JAK1: variants seen among roughly 807,000 people sequenced by gnomAD.
JAK1 encodes the protein tyrosine-protein kinase JAK1.
In JAK1, 16 loss-of-function variants were observed where a neutral mutation model predicts 136.6. The observed-to-expected ratio is 0.12, with a 90% CI of 0.08 to 0.18. The LOEUF (loss-of-function observed/expected upper bound fraction) is 0.18, where lower values mean the gene tolerates loss of function less well. Ranked by LOEUF, JAK1 falls within the 10% of genes least tolerant of loss-of-function variation. JAK1 has a pLI of 1.00. For synonymous variants in JAK1, 492 were observed against 519.5 expected (o/e 0.95, Z 0.72); for missense variants, 859 against 1,450.1 (o/e 0.59, Z 6.62).
intron 1 of JAK1, among the ~76,000 whole-genome samples, chr1:64,900,907 C>G (rs762520977): frequency 3.9e-5 from 6 of 152,178 alleles, no homozygotes; most frequent in African/African-American, 4.8e-5. Flanking sequence ...TCCTCCAAGC[C>G]TTTGCTGTCC....
intron 2 of JAK1, chr1:64,992,196 G>C (rs1048396438): frequency 2.6e-5 from 4 of 151,652 alleles, no homozygotes; most frequent in African/African-American, 4.8e-5. Context: ...CCTGGCCAAC[G>C]TCGTGAAAGC....
chr1:64,985,773 A>G (rs1263432120), intron 2 of JAK1: 2 of 645,260 alleles, frequency 3.1e-6, no homozygotes, highest in Non-Finnish European at 5.7e-6. Flanking sequence ...ACACAGTCCC[A>G]TAAGGCAGCC....
At chr1:64,959,279 T>A (rs1646242959) in intron 1 of JAK1, among the ~76,000 whole-genome samples, 1 of 152,172 alleles carries the variant, frequency 6.6e-6, no homozygotes, top group Admixed American at 6.5e-5. Context: ...ACATCTATGA[T>A]TAGGAGGAAG....
intron 1 of JAK1, among the ~76,000 whole-genome samples, chr1:65,051,653 C>T (rs1262757206): frequency 1.3e-5 from 2 of 152,124 alleles, no homozygotes; most frequent in African/African-American, 4.8e-5. Flanking sequence ...CAATGGGAGT[C>T]TAAGTAATTT....
At chr1:64,861,581 T>G (rs937964963) in intron 8 of JAK1, among the ~76,000 whole-genome samples, 5 of 152,072 alleles carry the variant, frequency 3.3e-5, no homozygotes, top group Non-Finnish European at 7.4e-5. Context: ...AAAAAGCATC[T>G]GAGGCTTCAA....
At chr1:65,037,431 G>A (rs918969213) in intron 2 of JAK1, among the ~76,000 whole-genome samples, 25 of 151,948 alleles carry the variant, frequency 1.6e-4, no homozygotes, top group Admixed American at 7.9e-4. Flanking sequence ...GTGCACCACC[G>A]TGCCCAGCTT....
intron 2 of JAK1, among the ~76,000 whole-genome samples, chr1:65,011,585 T>A (rs1646849366): frequency 6.6e-6 from 1 of 152,232 alleles, no homozygotes; most frequent in Non-Finnish European, 1.5e-5. Context: ...AGATTCCTTT[T>A]ACTACCACTG....
intron 1 of JAK1, among the ~76,000 whole-genome samples, chr1:64,947,807 A>T (rs1569676674): frequency 1.3e-5 from 2 of 151,994 alleles, no homozygotes; most frequent in East Asian, 3.9e-4. Context: ...TAGAATTTCA[A>T]ATTTAACATA....
intron 1 of JAK1, among the ~76,000 whole-genome samples, chr1:65,051,481 T>C (rs1272367917): frequency 6.6e-6 from 1 of 152,076 alleles, no homozygotes; most frequent in East Asian, 1.9e-4. Context: ...CACACCCGGG[T>C]TGATCACAGG....
intron 8 of JAK1, among the ~76,000 whole-genome samples, chr1:64,863,182 C>T (rs374093172): frequency 1.6e-4 from 23 of 147,986 alleles, no homozygotes; most frequent in Admixed American, 4.7e-4. Flanking sequence ...GCATATGACA[C>T]GGGGCCTAAT....
intron 2 of JAK1, among the ~76,000 whole-genome samples, chr1:65,026,664 A>G (rs1646979885): frequency 6.6e-6 from 1 of 152,154 alleles, no homozygotes; most frequent in South Asian, 2.1e-4. Context: ...AATTGTTTGC[A>G]TTTTAAATAA....
intron 2 of JAK1, among the ~76,000 whole-genome samples, chr1:65,024,660 C>CAAAAAAAAAAAAAAAAAAAAA (rs11349903): frequency 1.4e-5 from 1 of 69,864 alleles, no homozygotes; most frequent in Non-Finnish European, 3.0e-5. Flanking sequence ...TGGTCCAAAG[C>CAAAAAAAAAAAAAAAAAAAAA]AAAAAAAAAA....
rs574069986 is a variant in JAK1, at chr1:64,905,622, T to C, written c.-77-19281A>G. Among the ~76,000 whole-genome samples, 25 of 152,324 alleles carry C rather than the reference T, an allele frequency of 1.6e-4. No individual in the cohort carries two copies. The South Asian group carries it at 5.0e-3, about 30-fold the overall frequency. ...ATCCCACATTTACACATCTACACAT[T>C]GGGAACCTCTGCCATATAACAAATT... On this transcript the variant is annotated intron_variant, in intron 1 of 24. Coordinates refer to ENST00000342505, the MANE Select transcript of JAK1 (RefSeq NM_002227.4).
chr1:65,053,707 G>C (rs1456835857), intron 1 of JAK1, among the ~76,000 whole-genome samples: 1 of 152,158 alleles, frequency 6.6e-6, no homozygotes, highest in Non-Finnish European at 1.5e-5. Flanking sequence ...TGAAAAATTA[G>C]CCGGGCATGG....
chr1:65,054,349 G>T (rs571716645), intron 1 of JAK1, among the ~76,000 whole-genome samples: 2 of 151,942 alleles, frequency 1.3e-5, no homozygotes, highest in South Asian at 2.1e-4. Context: ...TTCATATATT[G>T]TATGTTTATA....
intron 8 of JAK1, among the ~76,000 whole-genome samples, chr1:64,862,006 A>T (rs1244683194): frequency 6.6e-6 from 1 of 152,250 alleles, no homozygotes; most frequent in Non-Finnish European, 1.5e-5. Context: ...GAAATGAGGG[A>T]TGCCAAGGAG....
At chr1:65,008,637 T>C (rs1646822911) in intron 2 of JAK1, among the ~76,000 whole-genome samples, 1 of 148,770 alleles carries the variant, frequency 6.7e-6, no homozygotes, top group African/African-American at 2.5e-5. Flanking sequence ...CCCCTTCCCC[T>C]TCCCCTTCGC....
intron 2 of JAK1, among the ~76,000 whole-genome samples, chr1:65,007,026 C>A (rs1263989266): frequency 7.9e-5 from 12 of 152,128 alleles, no homozygotes; most frequent in Non-Finnish European, 1.3e-4. Context: ...AGTTTAAGTT[C>A]CAACTGAGTG....
chr1:65,064,382 T>C (rs1157830462), intron 1 of JAK1, among the ~76,000 whole-genome samples: 1 of 152,178 alleles, frequency 6.6e-6, no homozygotes, highest in Non-Finnish European at 1.5e-5. Context: ...GTAAAAGATG[T>C]TACCCCATCA....
Sources: gnomAD v4.1 joint callset for allele counts (sites outside exome capture counted in the v4.1 genomes callset) on GRCh38, gnomAD v4.1.1 for gene constraint, MANE v1.5 for transcripts, NCBI Gene and HGNC (gene_info 2026-07-23, HGNC 2026-07-21) for gene names.